BCL2L14: variants seen among roughly 807,000 people sequenced by gnomAD.
BCL2L14 encodes the protein apoptosis facilitator Bcl-2-like protein 14.
Under a neutral mutation model 35.3 loss-of-function variants are expected in BCL2L14, and 27 were observed. That is an observed-to-expected ratio of 0.76 (90% CI 0.56 to 1.05). The LOEUF is 1.05. Among genes scored for constraint, BCL2L14 ranks in the 50% least tolerant of loss-of-function variants. The pLI, the probability that BCL2L14 is intolerant of heterozygous loss-of-function variation, is 0.00. For synonymous variants in BCL2L14, 139 were observed against 145.9 expected (o/e 0.95, Z 0.34); for missense variants, 377 against 382.6 (o/e 0.99, Z 0.12).
intron 1 of BCL2L14, chr12:12,072,338 T>C (rs1948685295): frequency 6.6e-6 from 1 of 152,312 alleles, no homozygotes; most frequent in African/African-American, 2.4e-5. Flanking sequence ...CGTTGCAGTG[T>C]GGCCTTCCCA....
chr12:12,090,667 G>A lies in BCL2L14; in HGVS notation c.608-112G>A, dbSNP rs1320805298. On this transcript the variant is annotated intron_variant, in intron 3 of 5. Transcript: ENST00000308721. ...AAAATAAAAAAAAAAAAAAGAATTA[G>A]CATGCCTCTTCCTCCAGCCCTTACC... is the stretch of plus-strand genomic sequence containing the variant. 1.1e-5 allele frequency: 7 copies of A among 648,082 alleles called. No homozygotes were observed. In the East Asian group the frequency reaches 1.3e-4, roughly 12 times the overall value. The allele number at this position is 648,082 out of a possible 1,614,324, so 40.1% of individuals were successfully genotyped here. A position where few individuals can be genotyped will look rare whatever the true frequency, so the allele number is the denominator to read the frequency against.
chr12:12,087,498 G>T, intron 3 of BCL2L14, 112 bp downstream of exon 3: 1 of 1,197,840 alleles, frequency 8.3e-7, no homozygotes, highest in Non-Finnish European at 1.2e-6. Context: ...CCTGGACTGA[G>T]GGCTTGACAG....
chr12:12,097,078 G>C (rs1949329694), intron 5 of BCL2L14, among the ~76,000 whole-genome samples: 1 of 152,162 alleles, frequency 6.6e-6, no homozygotes, highest in South Asian at 2.1e-4. Flanking sequence ...CTGGGAGGCG[G>C]AGCTTGCAGT....
At chr12:12,059,102 G>A (rs535098037) in intron 2 of BCL2L14, among the ~76,000 whole-genome samples, 35 of 152,186 alleles carry the variant, frequency 2.3e-4, no homozygotes, top group Non-Finnish European at 4.7e-4. Context: ...CTCCGGTGCC[G>A]GTCACGGACT....
chr12:12,053,863 G>A (rs1278300316), intron 2 of BCL2L14, among the ~76,000 whole-genome samples: 1 of 152,132 alleles, frequency 6.6e-6, no homozygotes, highest in African/African-American at 2.4e-5. Context: ...CTTAAGCCAG[G>A]TCTCTCCCAT....
chr12:12,057,460 G>A (rs1948449383), intron 2 of BCL2L14, among the ~76,000 whole-genome samples: 1 of 152,060 alleles, frequency 6.6e-6, no homozygotes, highest in Non-Finnish European at 1.5e-5. Flanking sequence ...AGCAACTCCA[G>A]AAAAGAGGTG....
At chr12:12,050,075 C>G (rs922204517) in intron 1 of BCL2L14, 1 of 152,184 alleles carries the variant, frequency 6.6e-6, no homozygotes, top group Non-Finnish European at 1.5e-5. Flanking sequence ...GTTTATCAGG[C>G]TGATATATGG....
intron 2 of BCL2L14, among the ~76,000 whole-genome samples, chr12:12,081,121 A>T (rs746949148): frequency 6.6e-6 from 1 of 152,058 alleles, no homozygotes. Context: ...TGGGAAGTAG[A>T]GGTTGCAGTG....
intron 2 of BCL2L14, among the ~76,000 whole-genome samples, chr12:12,080,850 A>G (rs929372937): frequency 6.6e-6 from 1 of 152,172 alleles, no homozygotes; most frequent in Non-Finnish European, 1.5e-5. Context: ...AAGCATTTAG[A>G]CAAAATCTTC....
chr12:12,095,443 T>C (rs1949295273), intron 5 of BCL2L14: 1 of 985,334 alleles, frequency 1.0e-6, no homozygotes, highest in Non-Finnish European at 1.2e-6. Flanking sequence ...AGTTAAACTT[T>C]CATCTATTTT....
chr12:12,090,360 T>A (rs1279565826), intron 3 of BCL2L14, among the ~76,000 whole-genome samples: 3 of 152,200 alleles, frequency 2.0e-5, no homozygotes, highest in Non-Finnish European at 2.9e-5. Flanking sequence ...CCAGGCACAG[T>A]GGCTCATGCC....
intron 5 of BCL2L14, chr12:12,095,460 C>T: frequency 1.0e-6 from 1 of 985,342 alleles, no homozygotes; most frequent in Non-Finnish European, 1.2e-6. Flanking sequence ...TTTTCAATTA[C>T]CTGGTATCAG....
At chr12:12,083,326 G>C (rs1948969509) in intron 2 of BCL2L14, among the ~76,000 whole-genome samples, 1 of 152,170 alleles carries the variant, frequency 6.6e-6, no homozygotes, top group Non-Finnish European at 1.5e-5. Flanking sequence ...CCAGGCCTCA[G>C]TACCGGGCTT....
intron 2 of BCL2L14, among the ~76,000 whole-genome samples, chr12:12,083,813 T>G (rs1948980487): frequency 6.6e-6 from 1 of 152,072 alleles, no homozygotes; most frequent in South Asian, 2.1e-4. Flanking sequence ...CCAGGCGCCA[T>G]GGTGCGCGCC....
chr12:12,050,675 T>G (rs887014328), intron 1 of BCL2L14, among the ~76,000 whole-genome samples: 1 of 151,100 alleles, frequency 6.6e-6, no homozygotes, highest in African/African-American at 2.4e-5. Context: ...AAACTATAGC[T>G]TCGAGTCTAA....
rs551147568 is a variant in BCL2L14, at chr12:12,088,529, T to G, written c.607+1143T>G. ...TTGGCACAGCTGCCAACATTCACTGTGCAAGCTTTTAGCTTGCTTGTCTAT... is the reference window on the plus strand; with the variant it reads ...TTGGCACAGCTGCCAACATTCACTGGGCAAGCTTTTAGCTTGCTTGTCTAT... On this transcript the variant is annotated intron_variant, in intron 3 of 5. Coordinates refer to ENST00000308721, the MANE Select transcript of BCL2L14 (RefSeq NM_138723.2). Among the ~76,000 whole-genome samples the G allele has an allele frequency of 8.9e-4, 136 of 152,322 alleles. 1 individual carries two copies. The highest frequency in any genetic ancestry group is 3.4e-3 in the Middle Eastern group (1 of 294).
upstream of BCL2L14, chr12:12,068,144 C>A: frequency 2.5e-6 from 1 of 398,508 alleles, no homozygotes; most frequent in South Asian, 1.3e-4. Flanking sequence ...GGGTTATCAC[C>A]ATGTTGCCCA....
intron 2 of BCL2L14, among the ~76,000 whole-genome samples, chr12:12,061,208 A>C: frequency 6.6e-6 from 1 of 150,988 alleles, no homozygotes; most frequent in Non-Finnish European, 1.5e-5. Flanking sequence ...AGCCACACCT[A>C]ATTACCACCT....
At position 12,099,227 on chromosome 12, in the gene BCL2L14, A is replaced by C. The variant is rs545771564; in HGVS notation, c.*239A>C. On this transcript the variant is annotated 3_prime_UTR_variant, in exon 6 of 6. Transcript: ENST00000308721. Reference sequence around the variant, plus strand: ...CAGGCCCTCCATTGAGAACCTGAGGAAATCTGTAAAGATAAGTGGTGATGT... The same window carrying C: ...CAGGCCCTCCATTGAGAACCTGAGGCAATCTGTAAAGATAAGTGGTGATGT... The C allele has an allele frequency of 1.9e-6, 1 of 517,636 alleles. No homozygotes were observed. The highest frequency in any genetic ancestry group is 1.9e-5 in the African/African-American group (1 of 52,140). 32.1% of individuals were successfully genotyped at this position (517,636 alleles called of 1,614,324 possible).
Sources: allele counts gnomAD v4.1 joint callset (sites outside exome capture counted in the v4.1 genomes callset), GRCh38; gene constraint gnomAD v4.1.1; transcripts MANE v1.5; gene names NCBI Gene and HGNC (gene_info 2026-07-23, HGNC 2026-07-21).